RHOF: variants seen among roughly 807,000 people sequenced by gnomAD.
RHOF encodes the protein ras homolog family member F, filopodia associated, also known as rho-related GTP-binding protein RhoF.
A neutral mutation model predicts 22.2 loss-of-function variants in RHOF; 21 were observed. That is an observed-to-expected ratio of 0.95 (90% CI 0.67 to 1.36). The LOEUF is 1.36. Among genes scored for constraint, RHOF ranks in the 40% most tolerant of loss-of-function variants. The probability of loss-of-function intolerance (pLI) is 0.00; values close to 1 mark genes in which losing one functional copy is unlikely to be tolerated. For synonymous variants in RHOF, 135 were observed against 131.2 expected, an observed-to-expected ratio of 1.03 and a Z score of -0.20; for missense variants, 285 against 293.7, an observed-to-expected ratio of 0.97 and a Z score of 0.22.
intron 2 of RHOF, among the ~76,000 whole-genome samples, chr12:121,792,257 G>C (rs1482492657): frequency 6.6e-6 from 1 of 152,218 alleles, no homozygotes; most frequent in Admixed American, 6.5e-5. Flanking sequence ...CGGATGACGT[G>C]GTTCCCTGCA....
At chr12:121,787,214 G>T (rs1284396886) in intron 2 of RHOF, among the ~76,000 whole-genome samples, 1 of 152,222 alleles carries the variant, frequency 6.6e-6, no homozygotes, top group East Asian at 1.9e-4. Context: ...GTTGAAGAGG[G>T]TTAATCGTCA....
At chr12:121,787,941 A>G (rs1592958423) in intron 2 of RHOF, among the ~76,000 whole-genome samples, 1 of 145,694 alleles carries the variant, frequency 6.9e-6, no homozygotes, top group Non-Finnish European at 1.5e-5. Context: ...TCTGTTGCTC[A>G]GGCTGGAGTG....
At chr12:121,792,052 AAGAC>A (rs1410888565) in intron 2 of RHOF, among the ~76,000 whole-genome samples, 1 of 150,244 alleles carries the variant, frequency 6.7e-6, no homozygotes, top group African/African-American at 2.5e-5. Context: ...ACATCCCACA[AAGAC>A]AGGTTCCTCA....
At chr12:121,786,076 C>T (rs919245724) in intron 2 of RHOF, among the ~76,000 whole-genome samples, 1 of 150,262 alleles carries the variant, frequency 6.7e-6, no homozygotes, top group Non-Finnish European at 1.5e-5. Context: ...CCACCACGCC[C>T]GGCTAATTTT....
At chr12:121,786,988 A>G (rs1264113650) in intron 2 of RHOF, among the ~76,000 whole-genome samples, 2 of 152,128 alleles carry the variant, frequency 1.3e-5, no homozygotes, top group Non-Finnish European at 2.9e-5. Flanking sequence ...CAGTGAGCTG[A>G]GATCGTGCCA....
intron 2 of RHOF, among the ~76,000 whole-genome samples, chr12:121,790,173 G>A (rs765486669): frequency 2.0e-5 from 3 of 152,222 alleles, no homozygotes; most frequent in Non-Finnish European, 4.4e-5. Flanking sequence ...CTTCCACGAG[G>A]GCCCCTGTGG....
chr12:121,788,948 AG>A (rs1484033185), intron 2 of RHOF, among the ~76,000 whole-genome samples: 1 of 152,164 alleles, frequency 6.6e-6, no homozygotes, highest in African/African-American at 2.4e-5. Context: ...CCCAGCCACC[AG>A]GTGATACCAT....
At chr12:121,793,294 C>G in intron 1 of RHOF, 55 bp from the exon 2 acceptor site, 2 of 1,497,146 alleles carry the variant, frequency 1.3e-6, no homozygotes, top group South Asian at 1.2e-5. Flanking sequence ...GGCCAAAGTT[C>G]CAGCTGAATC....
chr12:121,785,633 C>T (rs565539719), intron 2 of RHOF, among the ~76,000 whole-genome samples: 17 of 151,580 alleles, frequency 1.1e-4, no homozygotes, highest in African/African-American at 3.6e-4. Context: ...ATTTTTGAGA[C>T]GGAGTCTCAC....
intron 2 of RHOF, among the ~76,000 whole-genome samples, chr12:121,783,911 C>T (rs748428276): frequency 7.9e-5 from 12 of 152,098 alleles, no homozygotes; most frequent in Non-Finnish European, 1.5e-4. Flanking sequence ...GCCCCTATTG[C>T]CCTTTGCATA....
chr12:121,790,851 G>A (rs1874745758), intron 2 of RHOF, among the ~76,000 whole-genome samples: 1 of 152,118 alleles, frequency 6.6e-6, no homozygotes, highest in Admixed American at 6.5e-5. Flanking sequence ...GGGCAGGGAT[G>A]GTAGGAGGAT....
At chr12:121,788,923 A>C (rs1340331596) in intron 2 of RHOF, among the ~76,000 whole-genome samples, 1 of 152,064 alleles carries the variant, frequency 6.6e-6, no homozygotes, top group Non-Finnish European at 1.5e-5. Context: ...TTGGACCCAG[A>C]AGCTTCAGGG....
chr12:121,779,665 G>T lies in RHOF; in HGVS notation c.472-3C>A. On this transcript the variant is annotated splice_region_variant and splice_polypyrimidine_tract_variant and intron_variant, in intron 4 of 4. Transcript: ENST00000267205. Reference sequence around the variant, plus strand: ...ATCTGTTCGCAGGCGCTCAGGCCCTGGGTGGGGGGAGGAGCCAGCATTAGG... The same window carrying T: ...ATCTGTTCGCAGGCGCTCAGGCCCTTGGTGGGGGGAGGAGCCAGCATTAGG... 1.2e-6 allele frequency: 2 copies of T among 1,613,706 alleles called. No homozygotes were observed. Among genetic ancestry groups the T allele is most frequent in the Non-Finnish European group, 1.7e-6 (2 of 1,179,804 alleles).
At position 121,793,257 on chromosome 12, in the gene RHOF, G is replaced by A. The variant is rs750239440; in HGVS notation, c.139-18C>T. The A allele has an allele frequency of 2.5e-5, 38 of 1,549,530 alleles. No individual in the cohort carries two copies. In the East Asian group the frequency reaches 6.6e-4, roughly 27 times the overall value. ...GCGTAGTGCTGCGGGAGAGGGGGTC[G>A]GGTTGGTCCTTAGTGGGGCCGGCGG... On this transcript the variant is annotated intron_variant, in intron 1 of 4. Transcript: ENST00000267205.
intron 2 of RHOF, among the ~76,000 whole-genome samples, chr12:121,783,680 C>G (rs1220466149): frequency 1.3e-5 from 2 of 152,166 alleles, no homozygotes; most frequent in East Asian, 3.8e-4. Flanking sequence ...TGGGGTTTCT[C>G]CATGTTGGTC....
intron 2 of RHOF, among the ~76,000 whole-genome samples, chr12:121,787,890 CA>C (rs35018748): frequency 0.012 from 673 of 54,450 alleles, 7 homozygotes; most frequent in East Asian, 0.024. Flanking sequence ...GACTCTGCCT[CA>C]AAAAAAAAAA....
Position 121,793,571 on chromosome 12 carries a change from C to A in RHOF, c.63G>T (p.Lys21Asn), listed in dbSNP as rs868826164. 6.4e-7 allele frequency: 1 copy of A among 1,553,108 alleles called. No individual in the cohort carries two copies. Among genetic ancestry groups the A allele is most frequent in the Non-Finnish European group, 8.7e-7 (1 of 1,152,730 alleles). ...AGCCGCCGTCGCCCACGATCACGAT[C>A]TTCAGCTCCTTCCTGCCCGGACCGG... ...AAPGPGRKELKIVIVGDGGCG... is the reference protein window; with the variant it reads ...AAPGPGRKELNIVIVGDGGCG... Residue 21 changes from lysine (K) to asparagine (N), a missense_variant, in exon 1 of 5, where the codon AAG (lysine) becomes AAT (asparagine). Transcript: ENST00000267205.
At chr12:121,783,328 A>G (rs796880259) in intron 2 of RHOF, among the ~76,000 whole-genome samples, 1 of 26,792 alleles carries the variant, frequency 3.7e-5, no homozygotes, top group South Asian at 1.2e-3. Flanking sequence ...CCCCCCCCCC[A>G]CCTTTTCTTT....
chr12:121,790,307 C>G (rs553624175), intron 2 of RHOF, among the ~76,000 whole-genome samples: 1 of 152,388 alleles, frequency 6.6e-6, no homozygotes, highest in Non-Finnish European at 1.5e-5. Context: ...CCTTCCGCCA[C>G]TGTGTGTGGC....
Sources: gnomAD v4.1 joint callset for allele counts (sites outside exome capture counted in the v4.1 genomes callset) on GRCh38, gnomAD v4.1.1 for gene constraint, MANE v1.5 for transcripts, NCBI Gene and HGNC (gene_info 2026-07-23, HGNC 2026-07-21) for gene names.